Variants in CD36 observed in about 807,000 individuals in gnomAD.
CD36 encodes platelet glycoprotein 4.
CD36 carries 119 observed loss-of-function variants against 55.2 expected under a neutral mutation model. The observed-to-expected ratio is 2.15, with a 90% CI of 1.86 to 2.51. The LOEUF (loss-of-function observed/expected upper bound fraction) is 2.51, where lower values mean the gene tolerates loss of function less well. CD36 is among the 30% of genes most tolerant of loss of function. The pLI, the probability that CD36 is intolerant of heterozygous loss-of-function variation, is 0.00. For missense variants in CD36, 819 were observed against 555.5 expected (o/e 1.47, Z -4.77); for synonymous variants, 186 against 193.6 (o/e 0.96, Z 0.33).
intron 1 of CD36, among the ~76,000 whole-genome samples, chr7:80,640,277 T>A (rs1794718363): frequency 6.6e-6 from 1 of 151,980 alleles, no homozygotes; most frequent in African/African-American, 2.4e-5. Flanking sequence ...ATCTAACTAT[T>A]TTGCAAATAC....
At chr7:80,642,561 CTAAT>C (rs1794892624) in intron 1 of CD36, among the ~76,000 whole-genome samples, 1 of 152,056 alleles carries the variant, frequency 6.6e-6, no homozygotes, top group Non-Finnish European at 1.5e-5. Context: ...GTGAATAAAA[CTAAT>C]TATAATTTTG....
At chr7:80,623,696 T>C (rs1437768973) in intron 1 of CD36, among the ~76,000 whole-genome samples, 1 of 152,210 alleles carries the variant, frequency 6.6e-6, no homozygotes, top group Non-Finnish European at 1.5e-5. Context: ...AACTGGAATA[T>C]TCACTGATGC....
chr7:80,608,782 G>T (rs948261081), intron 1 of CD36, among the ~76,000 whole-genome samples: 13 of 152,074 alleles, frequency 8.5e-5, no homozygotes, highest in African/African-American at 3.1e-4. Context: ...TGTTACTCAA[G>T]CGTAAAACCT....
chr7:80,673,830 C>G (rs1398279904), intron 13 of CD36, 153 bp from the exon 14 acceptor site: 7 of 680,342 alleles, frequency 1.0e-5, no homozygotes, highest in African/African-American at 3.6e-5. Context: ...AATTGCCTTT[C>G]TTGACTTGCA....
intron 7 of CD36, 97 bp downstream of exon 7, chr7:80,664,594 A>G (rs3212011): frequency 3.1e-4 from 241 of 775,726 alleles, no homozygotes; most frequent in Non-Finnish European, 4.6e-4. Context: ...GCATCAACCT[A>G]TAGAACAGAC....
rs190735330 is a variant in CD36 at position 80,664,436 on chromosome 7, G to C, written c.640G>C (p.Val214Leu). Residue 214 changes from valine to leucine, a missense_variant, in exon 7 of 15, where the codon GTT (valine) becomes CTT (leucine). Val to Leu is a conservative substitution (Grantham distance 32). Transcript: ENST00000447544. The part of the protein sequence containing the change: ...YNNTADGVYK[V>L]FNGKDNISKV... ...CAATACTGCAGATGGAGTTTATAAA[G>C]TTTTCAATGGAAAAGATAACATAAG... 6.3e-7 allele frequency: 1 copy of C among 1,576,606 alleles called. No individual in the cohort carries two copies. The highest frequency in any genetic ancestry group is 8.7e-7 in the Non-Finnish European group (1 of 1,146,250).
intron 3 of CD36, among the ~76,000 whole-genome samples, chr7:80,648,673 C>A (rs1795363625): frequency 6.6e-6 from 1 of 151,450 alleles, no homozygotes. Flanking sequence ...TAAAAAATAC[C>A]GAGACCTATG....
In CD36 at chr7:80,663,054, C is replaced by CA; in HGVS notation, c.498dup (p.Ser167IlefsTer17). On this transcript the variant is annotated frameshift_variant, in exon 6 of 15. Transcript: ENST00000447544. LOFTEE classifies it high-confidence loss of function. ...ATCCTCAATTCACTTATTAACAAGT[C>CA]AAAATCTTCTATGTTCCAAGTCAGA... 1 of 1,613,224 alleles carries CA rather than the reference C, an allele frequency of 6.2e-7. No individual in the cohort carries two copies. The highest frequency in any genetic ancestry group is 1.1e-5 in the South Asian group (1 of 91,050).
intron 1 of CD36, among the ~76,000 whole-genome samples, chr7:80,624,589 C>T (rs1417949772): frequency 3.3e-5 from 5 of 152,088 alleles, no homozygotes; most frequent in Admixed American, 6.6e-5. Flanking sequence ...AGGGCAAATT[C>T]GTGTGTAGCC....
chr7:80,653,534 T>C (rs1434046271), intron 3 of CD36, among the ~76,000 whole-genome samples: 1 of 152,128 alleles, frequency 6.6e-6, no homozygotes, highest in Non-Finnish European at 1.5e-5. Context: ...AATCCAGTTG[T>C]TGTTGGGGCT....
At chr7:80,653,680 G>T (rs1164710534) in intron 3 of CD36, among the ~76,000 whole-genome samples, 1 of 152,104 alleles carries the variant, frequency 6.6e-6, no homozygotes, top group Admixed American at 6.6e-5. Context: ...TTGCAAAATA[G>T]TCTAGACAGT....
rs199809789 is a variant in CD36, at chr7:80,643,469, A to G, written c.-183-2619A>G. On this transcript the variant is annotated intron_variant, in intron 1 of 14. Coordinates refer to ENST00000447544, the MANE Select transcript of CD36 (RefSeq NM_001001548.3). Reference sequence around the variant, plus strand: ...CATGTTTTAAATAGATTTTCATACTATATTAACAAAACTGGAATGTGACAC... The same window carrying G: ...CATGTTTTAAATAGATTTTCATACTGTATTAACAAAACTGGAATGTGACAC... 1.2e-4 allele frequency among the ~76,000 whole-genome samples: 18 copies of G among 152,298 alleles called. No homozygotes were observed. In the East Asian group the frequency reaches 3.1e-3, roughly 26 times the overall value.
intron 3 of CD36, among the ~76,000 whole-genome samples, chr7:80,652,229 CAT>C (rs770896685): frequency 6.6e-6 from 1 of 152,102 alleles, no homozygotes; most frequent in Non-Finnish European, 1.5e-5. Flanking sequence ...AATAGACAAG[CAT>C]ATATGTTTCT....
intron 8 of CD36, 79 bp from the exon 9 acceptor site, chr7:80,669,871 GACT>G: frequency 2.2e-6 from 2 of 906,338 alleles, no homozygotes; most frequent in Admixed American, 3.4e-5. Context: ...CATTTCTATG[GACT>G]ACACTGGAGG....
At chr7:80,673,283 C>T in intron 12 of CD36, 72 bp from the exon 13 acceptor site, 1 of 714,372 alleles carries the variant, frequency 1.4e-6, no homozygotes, top group East Asian at 2.8e-5. Context: ...AATTTATGAA[C>T]ATTTATTTTA....
chr7:80,603,811 T>C (rs1792384801), intron 1 of CD36, among the ~76,000 whole-genome samples: 1 of 149,654 alleles, frequency 6.7e-6, no homozygotes. Context: ...TGAGAAATGA[T>C]TGAAAAAGAC....
In CD36 at chr7:80,614,778, G is replaced by A. The variant is rs190094958; in HGVS notation, c.-184+12399G>A. Among the ~76,000 whole-genome samples the A allele has an allele frequency of 3.9e-5, 6 of 152,264 alleles. No homozygotes were observed. In the East Asian group the frequency reaches 1.2e-3, roughly 29 times the overall value. On this transcript the variant is annotated intron_variant, in intron 1 of 13. Transcript: ENST00000309881. Reference sequence around the variant, plus strand: ...TATTTCCTGATATCAGTTGAAAACTGTGGGTGCCCTTGTTATTTGCTCTGC... The same window carrying A: ...TATTTCCTGATATCAGTTGAAAACTATGGGTGCCCTTGTTATTTGCTCTGC...
rs1184999678 is a variant in CD36 at position 80,670,993 on chromosome 7, T to C, written c.835T>C (p.Phe279Leu). Reference sequence around the variant, plus strand: ...TGTATTTAGGTCAATCTATGCTGTATTTGAATCCGACGTTAATCTGAAAGG... The same window carrying C: ...TGTATTTAGGTCAATCTATGCTGTACTTGAATCCGACGTTAATCTGAAAGG... Reference protein sequence around the residue: ...SDICRSIYAVFESDVNLKGIP... With the variant: ...SDICRSIYAVLESDVNLKGIP... The change falls in exon 10 of 15, where the codon TTT (phenylalanine) becomes CTT (leucine). Residue 279 changes from phenylalanine to leucine, a missense_variant. Coordinates refer to ENST00000447544, the MANE Select transcript of CD36 (RefSeq NM_001001548.3). The C allele has an allele frequency of 6.2e-7, 1 of 1,613,050 alleles. No homozygotes were observed. Among genetic ancestry groups the C allele is most frequent in the Middle Eastern group, 1.7e-4 (1 of 6,052 alleles).
At chr7:80,661,750 A>G (rs1796548718) in intron 5 of CD36, among the ~76,000 whole-genome samples, 1 of 152,218 alleles carries the variant, frequency 6.6e-6, no homozygotes, top group Admixed American at 6.5e-5. Context: ...AGAAAAAAAG[A>G]GTATATAAAC....
Sources: gnomAD v4.1 joint callset for allele counts (sites outside exome capture counted in the v4.1 genomes callset) on GRCh38, gnomAD v4.1.1 for gene constraint, MANE v1.5 for transcripts, NCBI Gene and HGNC (gene_info 2026-07-23, HGNC 2026-07-21) for gene names.